EPHA6: variants seen among roughly 807,000 people sequenced by gnomAD.
EPHA6 encodes EPH receptor A6, also known as ephrin type-A receptor 6.
Under a neutral mutation model 112.0 loss-of-function variants are expected in EPHA6, and 50 were observed. That is an observed-to-expected ratio of 0.45 (90% CI 0.36 to 0.56). EPHA6 has a LOEUF of 0.56. EPHA6 is among the 20% of genes least tolerant of loss of function. The pLI, the probability that EPHA6 is intolerant of heterozygous loss-of-function variation, is 0.00. For missense variants in EPHA6, 1,280 were observed against 1,417.4 expected, an observed-to-expected ratio of 0.90 and a Z score of 1.56; for synonymous variants, 529 against 490.7, an observed-to-expected ratio of 1.08 and a Z score of -1.03.
At chr3:97,009,861 C>A in intron 3 of EPHA6, 1 of 390,090 alleles carries the variant, frequency 2.6e-6, no homozygotes, top group Non-Finnish European at 5.0e-6. Context: ...TTGTGGCTCT[C>A]AGGTAGGCCA....
intron 5 of EPHA6, among the ~76,000 whole-genome samples, chr3:97,400,522 G>A (rs2086933962): frequency 1.3e-5 from 2 of 151,570 alleles, no homozygotes; most frequent in Non-Finnish European, 1.5e-5. Flanking sequence ...GGGTGGTATG[G>A]TGATTTAACA....
At chr3:97,518,705 GT>G (rs1414777280) in intron 10 of EPHA6, among the ~76,000 whole-genome samples, 2 of 151,838 alleles carry the variant, frequency 1.3e-5, no homozygotes, top group Non-Finnish European at 2.9e-5. Context: ...CTCTTTGGGG[GT>G]TCTAATTTGC....
At chr3:97,156,450 G>A (rs1483285363) in intron 3 of EPHA6, among the ~76,000 whole-genome samples, 1 of 152,078 alleles carries the variant, frequency 6.6e-6, no homozygotes, top group East Asian at 1.9e-4. Flanking sequence ...AATTTACCTT[G>A]ATTAACAGAG....
At chr3:97,276,011 C>G (rs2080066005) in intron 5 of EPHA6, among the ~76,000 whole-genome samples, 1 of 152,060 alleles carries the variant, frequency 6.6e-6, no homozygotes, top group Non-Finnish European at 1.5e-5. Flanking sequence ...ATAATGTTGT[C>G]CAAGTTGGCA....
At chr3:97,028,650 T>C (rs537683248) in intron 3 of EPHA6, among the ~76,000 whole-genome samples, 1 of 152,182 alleles carries the variant, frequency 6.6e-6, no homozygotes, top group African/African-American at 2.4e-5. Flanking sequence ...GGTGATGATT[T>C]TTCAGTTTAT....
Position 96,818,176 on chromosome 3 carries a change from A to T in EPHA6, c.385+3168A>T, listed in dbSNP as rs552556365. 1.1e-3 allele frequency among the ~76,000 whole-genome samples: 164 copies of T among 152,124 alleles called. 2 individuals carry two copies. The South Asian group carries it at 0.017, about 16-fold the overall frequency. On this transcript the variant is annotated intron_variant, in intron 1 of 17. Coordinates refer to ENST00000389672, the MANE Select transcript of EPHA6 (RefSeq NM_001080448.3). ...CCTTTCATTTCTGTACTATACACTT[A>T]TATGAATATAAAACACAATCTTGCT...
At chr3:97,333,799 CT>C (rs1377714420) in intron 5 of EPHA6, among the ~76,000 whole-genome samples, 1 of 151,890 alleles carries the variant, frequency 6.6e-6, no homozygotes, top group East Asian at 1.9e-4. Context: ...GTTTTTACCT[CT>C]TTTTTTGCTC....
At chr3:97,076,187 G>A (rs910020996) in intron 3 of EPHA6, among the ~76,000 whole-genome samples, 2 of 152,126 alleles carry the variant, frequency 1.3e-5, no homozygotes, top group Non-Finnish European at 2.9e-5. Context: ...AAGGCTCAAA[G>A]CTAATCTTTT....
In EPHA6 at chr3:97,068,616, TCACA is replaced by T. The variant is rs147267729; in HGVS notation, c.1114+80641_1114+80644del. On this transcript the variant is annotated intron_variant, in intron 3 of 17. Coordinates refer to ENST00000389672, the MANE Select transcript of EPHA6 (RefSeq NM_001080448.3). ...AGAGTTTTGAGGAACATGTACACAC[TCACA>T]CACACACACACACACACGTTGCAAT... Among the ~76,000 whole-genome samples, 11 of 148,192 alleles carry T rather than the reference TCACA, an allele frequency of 7.4e-5. No individual in the cohort carries two copies. In the East Asian group the frequency reaches 1.4e-3, roughly 19 times the overall value.
At chr3:97,393,471 T>A (rs1267543906) in intron 5 of EPHA6, among the ~76,000 whole-genome samples, 1 of 151,818 alleles carries the variant, frequency 6.6e-6, no homozygotes, top group Non-Finnish European at 1.5e-5. Context: ...ACACAGATTA[T>A]CCTGACAACT....
chr3:97,745,917 C>T lies in EPHA6; in HGVS notation c.3129-1506C>T, dbSNP rs546040928. 9.9e-5 allele frequency among the ~76,000 whole-genome samples: 15 copies of T among 151,812 alleles called. 1 individual carries two copies. In the South Asian group the frequency reaches 2.7e-3, roughly 27 times the overall value. On this transcript the variant is annotated intron_variant, in intron 16 of 17. Coordinates refer to ENST00000389672, the MANE Select transcript of EPHA6 (RefSeq NM_001080448.3). ...TTCCCATATTATTAGTAGAACAATA[C>T]CAGGGTTATATAGCATGTATATGCC... is the stretch of plus-strand genomic sequence containing the variant.
chr3:97,657,579 T>C (rs547504482), intron 14 of EPHA6, among the ~76,000 whole-genome samples: 1 of 151,996 alleles, frequency 6.6e-6, no homozygotes, highest in South Asian at 2.1e-4. Flanking sequence ...ATCATTAATT[T>C]GAAATCCTTG....
At chr3:97,279,922 G>T (rs186880950) in intron 5 of EPHA6, among the ~76,000 whole-genome samples, 13 of 152,078 alleles carry the variant, frequency 8.5e-5, no homozygotes, top group African/African-American at 3.1e-4. Flanking sequence ...TCTTGCTCTT[G>T]TTGCCCAGGC....
intron 3 of EPHA6, among the ~76,000 whole-genome samples, chr3:97,011,809 C>T (rs2044095554): frequency 6.6e-6 from 1 of 152,112 alleles, no homozygotes; most frequent in South Asian, 2.1e-4. Context: ...GCTCCTTCCT[C>T]TAGTAGTTTT....
intron 13 of EPHA6, among the ~76,000 whole-genome samples, chr3:97,628,474 A>T (rs796581275): frequency 2.0e-4 from 30 of 152,096 alleles, no homozygotes; most frequent in African/African-American, 6.7e-4. Flanking sequence ...TATATTTCAG[A>T]AGATATCACT....
chr3:97,117,906 T>C (rs748372371), intron 3 of EPHA6, among the ~76,000 whole-genome samples: 2 of 151,878 alleles, frequency 1.3e-5, no homozygotes, highest in Non-Finnish European at 2.9e-5. Context: ...GTAGTTCATA[T>C]ACAAAGAACT....
intron 10 of EPHA6, among the ~76,000 whole-genome samples, chr3:97,515,230 C>T (rs1015796714): frequency 4.1e-4 from 62 of 152,162 alleles, no homozygotes; most frequent in African/African-American, 1.4e-3. Flanking sequence ...GAATGACTAG[C>T]AGATGGTTGA....
intron 1 of EPHA6, among the ~76,000 whole-genome samples, chr3:96,847,641 T>C (rs1014081583): frequency 6.6e-6 from 1 of 152,144 alleles, no homozygotes; most frequent in East Asian, 1.9e-4. Context: ...AGGGTTGTAA[T>C]CTTTAAGAAG....
chr3:97,641,792 C>A (rs918297606), intron 14 of EPHA6, among the ~76,000 whole-genome samples: 1 of 152,208 alleles, frequency 6.6e-6, no homozygotes, highest in African/African-American at 2.4e-5. Context: ...GGGTCCTATG[C>A]CCACGGAGTC....
Sources: gnomAD v4.1 joint callset for allele counts (sites outside exome capture counted in the v4.1 genomes callset) on GRCh38, gnomAD v4.1.1 for gene constraint, MANE v1.5 for transcripts, NCBI Gene and HGNC (gene_info 2026-07-23, HGNC 2026-07-21) for gene names.